Variants in GUCY1B1 observed in about 807,000 individuals in gnomAD.
The protein encoded by GUCY1B1 is guanylate cyclase 1 soluble subunit beta 1.
GUCY1B1 carries 43 observed loss-of-function variants against 71.0 expected under a neutral mutation model. That is an observed-to-expected ratio of 0.61 (90% CI 0.47 to 0.78). The LOEUF (loss-of-function observed/expected upper bound fraction) is 0.78, where lower values mean the gene tolerates loss of function less well. Among genes scored for constraint, GUCY1B1 ranks in the 30% least tolerant of loss-of-function variants. GUCY1B1 has a pLI of 0.00. For missense variants in GUCY1B1, 535 were observed against 754.1 expected, an observed-to-expected ratio of 0.71 and a Z score of 3.40; for synonymous variants, 266 against 259.7, an observed-to-expected ratio of 1.02 and a Z score of -0.23.
At chr4:155,777,434 A>G (rs976711331) in intron 3 of GUCY1B1, 90 bp from the exon 4 acceptor site, 3 of 743,374 alleles carry the variant, frequency 4.0e-6, no homozygotes, top group African/African-American at 1.8e-5. Context: ...GACATTTTAC[A>G]TTACTTAATA....
At chr4:155,805,479 CT>C (rs1487116119) in intron 13 of GUCY1B1, among the ~76,000 whole-genome samples, 1 of 152,076 alleles carries the variant, frequency 6.6e-6, no homozygotes, top group Non-Finnish European at 1.5e-5. Context: ...GAGAAGGCTG[CT>C]TTTTTTCTTG....
At chr4:155,767,203 TTA>T (rs1397051270) in intron 2 of GUCY1B1, among the ~76,000 whole-genome samples, 1 of 152,184 alleles carries the variant, frequency 6.6e-6, no homozygotes, top group Non-Finnish European at 1.5e-5. Flanking sequence ...TGTGCCATGT[TTA>T]TGTGTATTAG....
rs1285889513 is a variant in GUCY1B1 at position 155,805,232 on chromosome 4, A to G, written c.1836+3A>G. On this transcript the variant is annotated splice_donor_region_variant and intron_variant, in intron 13 of 13. Coordinates refer to ENST00000264424, the MANE Select transcript of GUCY1B1 (RefSeq NM_000857.5). ...CCAGAAAAAATACAGGAACAGAGGT[A>G]TGACTAATCAAAGTGTAATTTGCGT... is the stretch of plus-strand genomic sequence containing the variant. 6.2e-7 allele frequency: 1 copy of G among 1,605,922 alleles called. No homozygotes were observed. Among genetic ancestry groups the G allele is most frequent in the Non-Finnish European group, 8.5e-7 (1 of 1,175,528 alleles).
chr4:155,769,940 A>G (rs1362259337), intron 2 of GUCY1B1, among the ~76,000 whole-genome samples: 2 of 152,194 alleles, frequency 1.3e-5, no homozygotes, highest in African/African-American at 4.8e-5. Flanking sequence ...CTCAAAAAAT[A>G]ATTCTGAAAG....
At chr4:155,761,826 C>A (rs1350189497) in intron 2 of GUCY1B1, among the ~76,000 whole-genome samples, 1 of 152,204 alleles carries the variant, frequency 6.6e-6, no homozygotes, top group Non-Finnish European at 1.5e-5. Context: ...TTCCAATCAT[C>A]CACAACACAA....
chr4:155,801,131 C>G (rs1739923734), intron 9 of GUCY1B1, among the ~76,000 whole-genome samples: 1 of 152,190 alleles, frequency 6.6e-6, no homozygotes, highest in South Asian at 2.1e-4. Flanking sequence ...ATTAGCTTCT[C>G]TTCCTAGACC....
chr4:155,792,661 AATG>A (rs1214111346), intron 5 of GUCY1B1, among the ~76,000 whole-genome samples: 2 of 152,010 alleles, frequency 1.3e-5, no homozygotes, highest in Non-Finnish European at 2.9e-5. Context: ...AGAAAAGAAA[AATG>A]AACAACATTT....
chr4:155,768,504 T>G (rs1338336817), intron 2 of GUCY1B1, among the ~76,000 whole-genome samples: 1 of 151,092 alleles, frequency 6.6e-6, no homozygotes, highest in Non-Finnish European at 1.5e-5. Context: ...GTGGGGAAAT[T>G]GATTTCATTA....
At chr4:155,777,395 A>G (rs1256890149) in intron 3 of GUCY1B1, 129 bp from the exon 4 acceptor site, 1 of 633,434 alleles carries the variant, frequency 1.6e-6, no homozygotes, top group African/African-American at 1.8e-5. Context: ...TTTTCATATG[A>G]TCTATGCTTG....
rs762816641 is a variant in GUCY1B1 at position 155,800,033 on chromosome 4, C to T, written c.1134C>T (p.Leu378=). The part of the protein sequence containing the change: ...ELEILTDRLQ[L]TLRALEDEKK... ...AAATCCTCACTGACAGGCTACAGCT[C>T]ACGTTAAGAGCCCTGGAAGATGAAA... Residue 378 remains leucine (L), a synonymous_variant, in exon 9 of 14, where the codon CTC becomes CTT. Coordinates refer to ENST00000264424, the MANE Select transcript of GUCY1B1 (RefSeq NM_000857.5). The T allele has an allele frequency of 6.2e-7, 1 of 1,613,480 alleles. No homozygotes were observed. Among genetic ancestry groups the T allele is most frequent in the South Asian group, 1.1e-5 (1 of 91,044 alleles).
chr4:155,786,220 A>G (rs1738753249), intron 4 of GUCY1B1, among the ~76,000 whole-genome samples: 1 of 151,708 alleles, frequency 6.6e-6, no homozygotes, highest in African/African-American at 2.4e-5. Flanking sequence ...AGCATTCTGT[A>G]TAGAAAAAAT....
intron 1 of GUCY1B1, 135 bp downstream of exon 1, chr4:155,759,278 C>T (rs1736779930): frequency 2.4e-6 from 2 of 833,752 alleles, no homozygotes; most frequent in African/African-American, 3.6e-5. Flanking sequence ...AGCAGCCTCA[C>T]TCCTTGCCCG....
In GUCY1B1 at chr4:155,800,014, T is replaced by C. The variant is rs1739833376; in HGVS notation, c.1115T>C (p.Leu372Pro). The C allele has an allele frequency of 6.2e-7, 1 of 1,613,578 alleles. No homozygotes were observed. The highest frequency in any genetic ancestry group is 8.5e-7 in the Non-Finnish European group (1 of 1,179,710). The change falls in exon 9 of 14, where the codon CTC becomes CCC. Residue 372 changes from leucine to proline, a missense_variant. By Grantham distance (98) the Leu-to-Pro change is moderately conservative (BLOSUM62 -3). Transcript: ENST00000264424. ...AAACTCACCCAAGAACTGGAAATCC[T>C]CACTGACAGGCTACAGCTCACGTTA... ...EYKLTQELEI[L>P]TDRLQLTLRA...
In GUCY1B1 at chr4:155,796,649, T is replaced by C. The variant is rs1739577603; in HGVS notation, c.977+139T>C. The C allele has an allele frequency of 3.1e-5, 19 of 603,992 alleles. 1 individual carries two copies. In the South Asian group the frequency reaches 4.1e-4, roughly 13 times the overall value. 37.4% of individuals were successfully genotyped at this position (603,992 alleles called of 1,614,324 possible). On this transcript the variant is annotated intron_variant, in intron 8 of 13. Transcript: ENST00000264424. Reference sequence around the variant, plus strand: ...TTTTACAGCCCTTGTTGTGTATTACTTTATAACAAGGATAATCTTATTTAA... The same window carrying C: ...TTTTACAGCCCTTGTTGTGTATTACCTTATAACAAGGATAATCTTATTTAA...
At chr4:155,805,360 C>A in intron 13 of GUCY1B1, 131 bp downstream of exon 13, 1 of 762,562 alleles carries the variant, frequency 1.3e-6, no homozygotes, top group Non-Finnish European at 2.1e-6. Flanking sequence ...CTAAGTAAAG[C>A]AGTGGAAATA....
At chr4:155,769,749 A>G (rs1737572447) in intron 2 of GUCY1B1, among the ~76,000 whole-genome samples, 2 of 152,162 alleles carry the variant, frequency 1.3e-5, no homozygotes, top group South Asian at 4.1e-4. Context: ...AGTATGTCCA[A>G]AATTTTCAGA....
At chr4:155,800,322 G>A (rs1269406658) in intron 9 of GUCY1B1, among the ~76,000 whole-genome samples, 2 of 152,184 alleles carry the variant, frequency 1.3e-5, no homozygotes, top group African/African-American at 2.4e-5. Flanking sequence ...ATATCTTTTG[G>A]AAAATCATGA....
intron 2 of GUCY1B1, among the ~76,000 whole-genome samples, chr4:155,764,328 T>C (rs557856796): frequency 4.6e-5 from 7 of 152,208 alleles, no homozygotes; most frequent in African/African-American, 1.7e-4. Flanking sequence ...GGTTGACTGC[T>C]ACAACATCCA....
intron 4 of GUCY1B1, among the ~76,000 whole-genome samples, chr4:155,786,603 G>A (rs1738803431): frequency 6.6e-6 from 1 of 151,204 alleles, no homozygotes; most frequent in Admixed American, 6.6e-5. Context: ...CTGAGTGGCT[G>A]GGATTACAGG....
Sources: allele counts gnomAD v4.1 joint callset (sites outside exome capture counted in the v4.1 genomes callset), GRCh38; gene constraint gnomAD v4.1.1; transcripts MANE v1.5; gene names NCBI Gene and HGNC (gene_info 2026-07-23, HGNC 2026-07-21).